The following NUGGC variants were observed in gnomAD, a reference collection of about 807,000 sequenced individuals.
NUGGC encodes the protein nuclear GTPase SLIP-GC.
Under a neutral mutation model 92.6 loss-of-function variants are expected in NUGGC, and 58 were observed. The ratio of observed to expected loss-of-function variants is 0.63; its 90% CI spans 0.51 to 0.78. The LOEUF (loss-of-function observed/expected upper bound fraction) is 0.78. Among genes scored for constraint, NUGGC ranks in the 30% least tolerant of loss-of-function variants. The probability of loss-of-function intolerance (pLI) is 0.00; values close to 1 mark genes in which losing one functional copy is unlikely to be tolerated. For synonymous variants in NUGGC, 376 were observed against 366.4 expected, an observed-to-expected ratio of 1.03 and a Z score of -0.30; for missense variants, 925 against 964.6, an observed-to-expected ratio of 0.96 and a Z score of 0.54.
chr8:28,055,345 C>T (rs181107929), intron 10 of NUGGC, among the ~76,000 whole-genome samples: 5 of 152,306 alleles, frequency 3.3e-5, no homozygotes, highest in African/African-American at 1.2e-4. Flanking sequence ...CCAGTGTGAC[C>T]TGGCATCTTT....
chr8:28,075,601 C>T (rs565698538), intron 1 of NUGGC, among the ~76,000 whole-genome samples: 1 of 152,320 alleles, frequency 6.6e-6, no homozygotes, highest in Non-Finnish European at 1.5e-5. Context: ...AGCAGAGTCA[C>T]CAGCCCTTCT....
At chr8:28,035,760 G>C (rs996129214) in intron 13 of NUGGC, among the ~76,000 whole-genome samples, 1 of 152,224 alleles carries the variant, frequency 6.6e-6, no homozygotes, top group Admixed American at 6.5e-5. Context: ...GGGCCACTGT[G>C]GTGGCTGCCT....
intron 10 of NUGGC, among the ~76,000 whole-genome samples, chr8:28,054,642 C>T (rs1339330320): frequency 6.6e-6 from 1 of 152,230 alleles, no homozygotes; most frequent in Non-Finnish European, 1.5e-5. Context: ...TTCCAAGCTA[C>T]TTGCCTGTCA....
chr8:28,022,584 T>G lies in NUGGC; in HGVS notation c.*733A>C, dbSNP rs896671677. ...GTAAACATACTAGTTTTATATTGCA[T>G]GCAAAGTCCAAATAGTTGAGAAATG... On this transcript the variant is annotated 3_prime_UTR_variant, in exon 19 of 19. Transcript: ENST00000413272. 1 of 152,210 alleles carries G rather than the reference T, an allele frequency of 6.6e-6. No individual in the cohort carries two copies. The highest frequency in any genetic ancestry group is 1.5e-5 in the Non-Finnish European group (1 of 68,026). 9.4% of individuals were successfully genotyped at this position (152,210 alleles called of 1,614,324 possible).
chr8:28,054,220 G>A (rs1161089880), intron 10 of NUGGC, among the ~76,000 whole-genome samples: 2 of 152,252 alleles, frequency 1.3e-5, no homozygotes, highest in South Asian at 2.1e-4. Context: ...GGTGGCTCAC[G>A]TTGGTAATCC....
At chr8:28,066,183 A>G (rs1242915634) in intron 6 of NUGGC, among the ~76,000 whole-genome samples, 1 of 152,220 alleles carries the variant, frequency 6.6e-6, no homozygotes. Context: ...TAAAGCAACT[A>G]GTTTTGTAAT....
At position 28,067,719 on chromosome 8, in the gene NUGGC, A is replaced by T. The variant is rs774806435; in HGVS notation, c.506T>A (p.Leu169Gln). 6.2e-7 allele frequency: 1 copy of T among 1,613,640 alleles called. No individual in the cohort carries two copies. The highest frequency in any genetic ancestry group is 8.5e-7 in the Non-Finnish European group (1 of 1,179,722). The change falls in exon 6 of 19, where the codon CTG (leucine) becomes CAG (glutamine). Residue 169 changes from leucine to glutamine, a missense_variant. By Grantham distance (113) the Leu-to-Gln change is moderately radical. Transcript: ENST00000413272. ...DQEWREELKNLTKLLHRTEEL... is the reference protein window; with the variant it reads ...DQEWREELKNQTKLLHRTEEL... Reference sequence around the variant, plus strand: ...CTCCGTCCTATGCAGGAGTTTGGTCAGGTTCTTCAGCTCCTCCCTCCACTC... The same window carrying T: ...CTCCGTCCTATGCAGGAGTTTGGTCTGGTTCTTCAGCTCCTCCCTCCACTC...
At chr8:28,056,663 A>C (rs1038464882) in intron 9 of NUGGC, among the ~76,000 whole-genome samples, 1 of 152,196 alleles carries the variant, frequency 6.6e-6, no homozygotes, top group African/African-American at 2.4e-5. Flanking sequence ...GGTGTCATGA[A>C]TACATAAAAT....
At chr8:28,027,875 C>T (rs1809309194) in intron 17 of NUGGC, among the ~76,000 whole-genome samples, 1 of 152,142 alleles carries the variant, frequency 6.6e-6, no homozygotes, top group Admixed American at 6.5e-5. Flanking sequence ...GCCACATTAT[C>T]GATCAATATA....
intron 13 of NUGGC, among the ~76,000 whole-genome samples, chr8:28,035,946 G>T (rs897120510): frequency 2.6e-5 from 4 of 152,212 alleles, no homozygotes; most frequent in African/African-American, 9.7e-5. Flanking sequence ...GCAGTGGCAC[G>T]ACCATAGCTC....
intron 1 of NUGGC, among the ~76,000 whole-genome samples, chr8:28,082,916 A>C (rs1447716161): frequency 1.3e-5 from 2 of 152,184 alleles, no homozygotes; most frequent in Non-Finnish European, 2.9e-5. Context: ...CAAACAAACC[A>C]AACCCCCAAA....
At chr8:28,080,931 T>A (rs1004960959) in intron 1 of NUGGC, among the ~76,000 whole-genome samples, 5 of 152,124 alleles carry the variant, frequency 3.3e-5, no homozygotes, top group African/African-American at 1.2e-4. Flanking sequence ...CTGCTCCCAA[T>A]CTTCAATGCA....
intron 13 of NUGGC, among the ~76,000 whole-genome samples, chr8:28,037,780 C>T (rs1278679112): frequency 3.3e-5 from 5 of 152,182 alleles, no homozygotes; most frequent in Non-Finnish European, 5.9e-5. Context: ...AAATGGCTAT[C>T]CCCCTGTTCC....
At chr8:28,034,102 C>A (rs1457428168) in intron 13 of NUGGC, among the ~76,000 whole-genome samples, 1 of 152,204 alleles carries the variant, frequency 6.6e-6, no homozygotes, top group African/African-American at 2.4e-5. Context: ...TATTGAACGA[C>A]TAAATAAATG....
intron 6 of NUGGC, among the ~76,000 whole-genome samples, chr8:28,065,053 T>C (rs1228293997): frequency 6.6e-6 from 1 of 152,120 alleles, no homozygotes; most frequent in Non-Finnish European, 1.5e-5. Flanking sequence ...TACTATGTAA[T>C]TGATATTTTC....
chr8:28,029,170 C>A, intron 17 of NUGGC, 96 bp downstream of exon 17: 1 of 1,290,256 alleles, frequency 7.8e-7, no homozygotes, highest in South Asian at 1.4e-5. Flanking sequence ...CCATTTGGAC[C>A]CAAATGCCTA....
At chr8:28,067,385 C>T (rs1810462693) in intron 6 of NUGGC, 129 bp downstream of exon 6, 1 of 672,372 alleles carries the variant, frequency 1.5e-6, no homozygotes, top group Admixed American at 2.8e-5. Context: ...ACGGATACTT[C>T]TAATTTGGGT....
chr8:28,081,983 A>G (rs988624900), intron 1 of NUGGC, among the ~76,000 whole-genome samples: 1 of 152,152 alleles, frequency 6.6e-6, no homozygotes, highest in African/African-American at 2.4e-5. Context: ...GAAATGATAG[A>G]ATGTTGATGA....
chr8:28,028,738 T>G (rs1229600937), intron 17 of NUGGC, among the ~76,000 whole-genome samples: 2 of 152,192 alleles, frequency 1.3e-5, no homozygotes, highest in African/African-American at 4.8e-5. Flanking sequence ...GTAGATAAAA[T>G]TAAAGCTGAA....
Sources: allele counts gnomAD v4.1 joint callset (sites outside exome capture counted in the v4.1 genomes callset), GRCh38; gene constraint gnomAD v4.1.1; transcripts MANE v1.5; gene names NCBI Gene and HGNC (gene_info 2026-07-23, HGNC 2026-07-21).